Variants in DNAJC24 observed in about 807,000 individuals in gnomAD.
DNAJC24 encodes DnaJ heat shock protein family (Hsp40) member C24.
A neutral mutation model predicts 18.0 loss-of-function variants in DNAJC24; 17 were observed. The ratio of observed to expected loss-of-function variants is 0.94; its 90% CI spans 0.65 to 1.42. DNAJC24 has a LOEUF of 1.42. Among genes scored for constraint, DNAJC24 ranks in the 40% most tolerant of loss-of-function variants. The probability of loss-of-function intolerance (pLI) is 0.00; values close to 1 mark genes in which losing one functional copy is unlikely to be tolerated. For missense variants in DNAJC24, 158 were observed against 175.6 expected (o/e 0.90, Z 0.57); for synonymous variants, 55 against 57.7 (o/e 0.95, Z 0.21).
At chr11:31,423,379 G>T (rs1952828259) in intron 3 of DNAJC24, among the ~76,000 whole-genome samples, 1 of 152,166 alleles carries the variant, frequency 6.6e-6, no homozygotes, top group South Asian at 2.1e-4. Context: ...TCCTGTCTCA[G>T]CCTCCCTATT....
chr11:31,426,236 C>T (rs1251712470), intron 3 of DNAJC24, 51 bp from the exon 4 acceptor site: 2 of 1,190,340 alleles, frequency 1.7e-6, no homozygotes, highest in Non-Finnish European at 2.4e-6. Flanking sequence ...TTCAAGGTTA[C>T]AATTAAAGTA....
intron 2 of DNAJC24, among the ~76,000 whole-genome samples, chr11:31,410,110 T>A (rs1952693935): frequency 1.3e-5 from 2 of 152,146 alleles, no homozygotes; most frequent in Admixed American, 1.3e-4. Flanking sequence ...CTCAAACTCC[T>A]GACCTCAGGT....
At chr11:31,391,645 A>G (rs549865559) in intron 2 of DNAJC24, among the ~76,000 whole-genome samples, 6 of 152,222 alleles carry the variant, frequency 3.9e-5, no homozygotes, top group Non-Finnish European at 8.8e-5. Flanking sequence ...AACCTTGTAC[A>G]CAGTTGATGG....
At chr11:31,410,102 C>G (rs542597252) in intron 2 of DNAJC24, among the ~76,000 whole-genome samples, 7 of 151,986 alleles carry the variant, frequency 4.6e-5, no homozygotes, top group South Asian at 2.1e-4. Flanking sequence ...AGGCTAGTCT[C>G]AAACTCCTGA....
chr11:31,397,717 G>A (rs1445025251), intron 2 of DNAJC24, among the ~76,000 whole-genome samples: 2 of 152,046 alleles, frequency 1.3e-5, no homozygotes, highest in East Asian at 1.9e-4. Context: ...GGTCTTAACA[G>A]CATTTCCTCA....
At chr11:31,377,543 A>T (rs1019286423) in intron 2 of DNAJC24, among the ~76,000 whole-genome samples, 2 of 152,142 alleles carry the variant, frequency 1.3e-5, no homozygotes, top group Non-Finnish European at 2.9e-5. Context: ...TTTACTTATT[A>T]GTAAATCAAT....
At position 31,394,059 on chromosome 11, in the gene DNAJC24, A is replaced by G. The variant is rs1379243359; in HGVS notation, c.112-20752A>G. ...TTTATTTAACATTAAACTTAGGGCC[A>G]ACAGCACTGTAACTCATGCCTGAGT... On this transcript the variant is annotated intron_variant, in intron 2 of 4. Coordinates refer to ENST00000465995, the MANE Select transcript of DNAJC24 (RefSeq NM_181706.5). 4.6e-5 allele frequency among the ~76,000 whole-genome samples: 7 copies of G among 152,280 alleles called. 1 individual carries two copies. Among genetic ancestry groups the G allele is most frequent in the African/African-American group, 1.7e-4 (7 of 41,564 alleles).
intron 2 of DNAJC24, among the ~76,000 whole-genome samples, chr11:31,402,394 C>T (rs1202314438): frequency 5.3e-5 from 8 of 152,090 alleles, no homozygotes; most frequent in African/African-American, 1.7e-4. Context: ...AGGATATCAC[C>T]GTACACTATT....
chr11:31,377,688 A>G (rs1011627109), intron 2 of DNAJC24, among the ~76,000 whole-genome samples: 4 of 152,102 alleles, frequency 2.6e-5, no homozygotes, highest in Non-Finnish European at 5.9e-5. Context: ...TATGCATGTG[A>G]AAATTGCTAT....
chr11:31,392,124 G>C (rs980525898), intron 2 of DNAJC24, among the ~76,000 whole-genome samples: 1 of 152,128 alleles, frequency 6.6e-6, no homozygotes, highest in African/African-American at 2.4e-5. Context: ...GGGGGAGAGG[G>C]CAGTGGAGAT....
intron 2 of DNAJC24, among the ~76,000 whole-genome samples, chr11:31,386,077 A>C (rs936228088): frequency 6.6e-6 from 1 of 152,190 alleles, no homozygotes; most frequent in Non-Finnish European, 1.5e-5. Flanking sequence ...CAAGTTTTCT[A>C]TCCCAGAGGT....
intron 3 of DNAJC24, chr11:31,415,979 G>T (rs2133498571): frequency 6.6e-6 from 1 of 152,180 alleles, no homozygotes. Flanking sequence ...ATTTTCAGAG[G>T]GATTTCTACC....
intron 2 of DNAJC24, among the ~76,000 whole-genome samples, chr11:31,413,373 C>T (rs1157114269): frequency 3.4e-5 from 5 of 146,950 alleles, no homozygotes; most frequent in Admixed American, 2.0e-4. Flanking sequence ...CTCTGTCGCC[C>T]AGGCTGGAGT....
chr11:31,397,067 C>G (rs1952549533), intron 2 of DNAJC24, among the ~76,000 whole-genome samples: 1 of 152,148 alleles, frequency 6.6e-6, no homozygotes, highest in Non-Finnish European at 1.5e-5. Flanking sequence ...CCAACTTATC[C>G]AAGTGAAAAC....
intron 2 of DNAJC24, among the ~76,000 whole-genome samples, chr11:31,394,513 A>G (rs1229877152): frequency 6.6e-6 from 1 of 151,732 alleles, no homozygotes; most frequent in Non-Finnish European, 1.5e-5. Flanking sequence ...CTCCTCTTCC[A>G]CCACACTGTT....
intron 2 of DNAJC24, among the ~76,000 whole-genome samples, chr11:31,389,128 A>G (rs1591904492): frequency 6.6e-6 from 1 of 152,268 alleles, no homozygotes; most frequent in Non-Finnish European, 1.5e-5. Flanking sequence ...CAGAAAACAG[A>G]TAACAAAATG....
intron 2 of DNAJC24, among the ~76,000 whole-genome samples, chr11:31,382,582 T>G (rs1242619558): frequency 1.3e-5 from 2 of 152,238 alleles, no homozygotes; most frequent in African/African-American, 4.8e-5. Flanking sequence ...ATCTGTTTAT[T>G]ATTGTATATG....
At chr11:31,395,299 T>C (rs995611838) in intron 2 of DNAJC24, among the ~76,000 whole-genome samples, 3 of 152,180 alleles carry the variant, frequency 2.0e-5, no homozygotes, top group African/African-American at 7.2e-5. Flanking sequence ...TTGATGGGCA[T>C]TTAGGTTGAT....
intron 2 of DNAJC24, among the ~76,000 whole-genome samples, chr11:31,395,090 A>T (rs961474854): frequency 6.6e-6 from 1 of 152,048 alleles, no homozygotes; most frequent in African/African-American, 2.4e-5. Context: ...GTCCATGTGT[A>T]CTCAGTGTTT....
Sources: allele counts gnomAD v4.1 joint callset (sites outside exome capture counted in the v4.1 genomes callset), GRCh38; gene constraint gnomAD v4.1.1; transcripts MANE v1.5; gene names NCBI Gene and HGNC (gene_info 2026-07-23, HGNC 2026-07-21).